The following HS3ST4 variants were observed in gnomAD, a reference collection of about 807,000 sequenced individuals.
HS3ST4 encodes heparan sulfate-glucosamine 3-sulfotransferase 4.
Under a neutral mutation model 29.2 loss-of-function variants are expected in HS3ST4, and 17 were observed. The ratio of observed to expected loss-of-function variants is 0.58; its 90% confidence interval spans 0.40 to 0.87. The LOEUF (loss-of-function observed/expected upper bound fraction) is 0.87. Among genes scored for constraint, HS3ST4 ranks in the 40% least tolerant of loss-of-function variants. The probability of loss-of-function intolerance (pLI) is 0.00; values close to 1 mark genes in which losing one functional copy is unlikely to be tolerated. For missense variants in HS3ST4, 627 were observed against 634.5 expected, an observed-to-expected ratio of 0.99 and a Z score of 0.13; for synonymous variants, 314 against 285.7, an observed-to-expected ratio of 1.10 and a Z score of -1.00.
At chr16:26,101,312 A>G (rs1898987444) in intron 1 of HS3ST4, among the ~76,000 whole-genome samples, 1 of 152,152 alleles carries the variant, frequency 6.6e-6, no homozygotes, top group African/African-American at 2.4e-5. Flanking sequence ...TGCAGCCGGG[A>G]AGTTCCTGAC....
chr16:26,135,511 G>C, intron 1 of HS3ST4, 101 bp from the exon 2 acceptor site: 4 of 1,138,938 alleles, frequency 3.5e-6, no homozygotes, highest in Non-Finnish European at 4.9e-6. Context: ...TTTATTTGGT[G>C]GTTCCAAACT....
chr16:26,059,322 CCTCT>C (rs779466133), intron 1 of HS3ST4, among the ~76,000 whole-genome samples: 2 of 151,962 alleles, frequency 1.3e-5, no homozygotes, highest in Non-Finnish European at 2.9e-5. Context: ...TCTCTCCTTG[CCTCT>C]CTCTCTTTTT....
chr16:26,009,652 A>T (rs986926613), intron 1 of HS3ST4, among the ~76,000 whole-genome samples: 4 of 152,234 alleles, frequency 2.6e-5, no homozygotes, highest in African/African-American at 9.7e-5. Context: ...GACTGTGGTC[A>T]AGCGAAGGAA....
At chr16:26,023,577 T>G (rs1308076772) in intron 1 of HS3ST4, among the ~76,000 whole-genome samples, 1 of 152,028 alleles carries the variant, frequency 6.6e-6, no homozygotes, top group Non-Finnish European at 1.5e-5. Flanking sequence ...TTTTTTTATT[T>G]TATTTTTTTG....
chr16:25,851,830 A>T (rs1967524934), intron 1 of HS3ST4, among the ~76,000 whole-genome samples: 1 of 150,342 alleles, frequency 6.7e-6, no homozygotes, highest in Non-Finnish European at 1.5e-5. Context: ...TTCAATTTTG[A>T]CGGTGTTACG....
intron 1 of HS3ST4, among the ~76,000 whole-genome samples, chr16:25,936,072 G>A (rs1047301466): frequency 3.9e-5 from 6 of 152,130 alleles, no homozygotes; most frequent in South Asian, 4.1e-4. Context: ...ACATCCAGCC[G>A]AAATACTAGA....
intron 1 of HS3ST4, among the ~76,000 whole-genome samples, chr16:25,704,667 C>G (rs543288268): frequency 7.9e-5 from 12 of 152,046 alleles, no homozygotes; most frequent in African/African-American, 2.9e-4. Flanking sequence ...CACCTGAGGT[C>G]AGGAGTTCGA....
intron 1 of HS3ST4, among the ~76,000 whole-genome samples, chr16:25,832,650 T>C (rs1967315824): frequency 6.6e-6 from 1 of 152,238 alleles, no homozygotes; most frequent in African/African-American, 2.4e-5. Context: ...CAAACACTTA[T>C]ATGCAAAGCT....
At chr16:25,822,548 C>G (rs1967170486) in intron 1 of HS3ST4, among the ~76,000 whole-genome samples, 1 of 152,094 alleles carries the variant, frequency 6.6e-6, no homozygotes, top group South Asian at 2.1e-4. Context: ...GTTGTGACAA[C>G]CAGAAATGTG....
chr16:25,935,962 G>A (rs996373477), intron 1 of HS3ST4, among the ~76,000 whole-genome samples: 8 of 151,998 alleles, frequency 5.3e-5, no homozygotes, highest in African/African-American at 1.9e-4. Flanking sequence ...AAGAGGTCTT[G>A]CCATGTTTCC....
At position 25,999,894 on chromosome 16, in the gene HS3ST4, A is replaced by ATATATTTTATATATATTATATATATAT. The variant is rs1555477414; in HGVS notation, c.735-135717_735-135716insATATTTTATATATATTATATATATATT. On this transcript the variant is annotated intron_variant, in intron 1 of 1. Coordinates refer to ENST00000331351, the MANE Select transcript of HS3ST4 (RefSeq NM_006040.3). ...TATTTTATATATATTATATATATAT[A>ATATATTTTATATATATTATATATATAT]TTTTATATATATATATATATCTGTT... Among the ~76,000 whole-genome samples the ATATATTTTATATATATTATATATATAT allele has an allele frequency of 3.1e-3, 322 of 103,700 alleles. 2 individuals carry two copies. The highest frequency in any genetic ancestry group is 9.7e-3 in the African/African-American group (282 of 29,052). The allele number at this position is 103,700 out of a possible 152,430, so 68.0% of individuals were successfully genotyped here. A position where few individuals can be genotyped will look rare whatever the true frequency, so the allele number is the denominator to read the frequency against.
At chr16:25,792,742 A>G (rs915865848) in intron 1 of HS3ST4, among the ~76,000 whole-genome samples, 1 of 151,442 alleles carries the variant, frequency 6.6e-6, no homozygotes, top group Non-Finnish European at 1.5e-5. Flanking sequence ...GTGTTTATCA[A>G]TTTTGTGTGT....
At chr16:25,724,566 G>T (rs1318315060) in intron 1 of HS3ST4, among the ~76,000 whole-genome samples, 1 of 152,004 alleles carries the variant, frequency 6.6e-6, no homozygotes, top group African/African-American at 2.4e-5. Flanking sequence ...GTTTCACTGT[G>T]TTGGCCAGGC....
At chr16:26,129,667 ATTAC>A (rs1899392002) in intron 1 of HS3ST4, among the ~76,000 whole-genome samples, 1 of 152,196 alleles carries the variant, frequency 6.6e-6, no homozygotes, top group Non-Finnish European at 1.5e-5. Context: ...ATAGACCCAT[ATTAC>A]TTAAGTTAAG....
chr16:25,976,876 G>A (rs1197157987), intron 1 of HS3ST4, among the ~76,000 whole-genome samples: 1 of 152,200 alleles, frequency 6.6e-6, no homozygotes, highest in Non-Finnish European at 1.5e-5. Context: ...ATGAGGGGGT[G>A]TAGCTGTGTT....
At chr16:26,075,126 G>A (rs2141779260) in intron 1 of HS3ST4, among the ~76,000 whole-genome samples, 1 of 152,330 alleles carries the variant, frequency 6.6e-6, no homozygotes, top group South Asian at 2.1e-4. Context: ...CCGGGAGGCA[G>A]AGGTTGCAGT....
chr16:25,761,871 A>G (rs944394173), intron 1 of HS3ST4, among the ~76,000 whole-genome samples: 1 of 152,190 alleles, frequency 6.6e-6, no homozygotes, highest in Non-Finnish European at 1.5e-5. Flanking sequence ...TGAGGTAGAT[A>G]TTACCTTTCT....
intron 1 of HS3ST4, among the ~76,000 whole-genome samples, chr16:26,117,298 T>C (rs978464134): frequency 6.6e-6 from 1 of 152,168 alleles, no homozygotes; most frequent in African/African-American, 2.4e-5. Flanking sequence ...ACTCAACTTA[T>C]TTTTTCCCTG....
At chr16:25,989,026 T>TA (rs1479434800) in intron 1 of HS3ST4, among the ~76,000 whole-genome samples, 3 of 151,994 alleles carry the variant, frequency 2.0e-5, no homozygotes, top group Non-Finnish European at 4.4e-5. Context: ...GCTCCACTGG[T>TA]ATGGTGTGGT....
Sources: allele counts gnomAD v4.1 joint callset (sites outside exome capture counted in the v4.1 genomes callset), GRCh38; gene constraint gnomAD v4.1.1; transcripts MANE v1.5; gene names NCBI Gene and HGNC (gene_info 2026-07-23, HGNC 2026-07-21).